The following MDGA2 variants were observed in gnomAD, a reference collection of about 807,000 sequenced individuals.
MDGA2 encodes MAM domain-containing glycosylphosphatidylinositol anchor protein 2.
A neutral mutation model predicts 117.8 loss-of-function variants in MDGA2; 40 were observed. The observed-to-expected ratio is 0.34, with a 90% CI of 0.26 to 0.44. MDGA2 has a LOEUF of 0.44. Among genes scored for constraint, MDGA2 ranks in the 20% least tolerant of loss-of-function variants. The pLI is 1.00. For missense variants in MDGA2, 1,123 were observed against 1,250.6 expected, an observed-to-expected ratio of 0.90 and a Z score of 1.54; for synonymous variants, 452 against 439.0, an observed-to-expected ratio of 1.03 and a Z score of -0.37.
intron 1 of MDGA2, among the ~76,000 whole-genome samples, chr14:47,501,160 G>A (rs1418765158): frequency 1.3e-5 from 2 of 152,064 alleles, no homozygotes; most frequent in Non-Finnish European, 2.9e-5. Context: ...ATTACTACCA[G>A]TTTACGGGTA....
chr14:47,313,299 G>A (rs985007969), intron 1 of MDGA2, among the ~76,000 whole-genome samples: 1 of 151,962 alleles, frequency 6.6e-6, no homozygotes, highest in Non-Finnish European at 1.5e-5. Flanking sequence ...ATAAGGTAAG[G>A]TCTGGCTCTG....
At chr14:46,994,973 C>A (rs977391730) in intron 8 of MDGA2, among the ~76,000 whole-genome samples, 1 of 152,010 alleles carries the variant, frequency 6.6e-6, no homozygotes, top group Non-Finnish European at 1.5e-5. Context: ...TGTGGATACA[C>A]CCATATTGGT....
At chr14:47,155,410 G>A (rs536297124) in intron 3 of MDGA2, among the ~76,000 whole-genome samples, 1 of 152,054 alleles carries the variant, frequency 6.6e-6, no homozygotes, top group Non-Finnish European at 1.5e-5. Flanking sequence ...GGGAAACCCA[G>A]ACCTAGCAGC....
intron 1 of MDGA2, among the ~76,000 whole-genome samples, chr14:47,362,940 T>G (rs1435883553): frequency 1.3e-5 from 2 of 152,190 alleles, no homozygotes; most frequent in Non-Finnish European, 2.9e-5. Context: ...TGTTTTGAAT[T>G]GAATATATGC....
chr14:47,325,028 T>C (rs1255287403), intron 1 of MDGA2, among the ~76,000 whole-genome samples: 1 of 152,038 alleles, frequency 6.6e-6, no homozygotes, highest in Non-Finnish European at 1.5e-5. Flanking sequence ...CAGGACATGA[T>C]TATTGTGTTG....
Position 47,551,811 on chromosome 14 carries a change from T to TA in MDGA2, c.280+122705dup, listed in dbSNP as rs1167777903. On this transcript the variant is annotated intron_variant, in intron 1 of 16. Coordinates refer to ENST00000399232, the MANE Select transcript of MDGA2 (RefSeq NM_001113498.3). ...AGAATTTTTTTTTTCATGTAATACT[T>TA]ACGAGGTACAAATCAATTCCCATTT... 2.0e-5 allele frequency among the ~76,000 whole-genome samples: 3 copies of TA among 152,288 alleles called. No individual in the cohort carries two copies. In the East Asian group the frequency reaches 5.8e-4, roughly 29 times the overall value.
At chr14:47,087,460 C>CAAAAAAA (rs749371957) in intron 6 of MDGA2, among the ~76,000 whole-genome samples, 98 of 67,932 alleles carry the variant, frequency 1.4e-3, no homozygotes, top group African/African-American at 2.7e-3. Context: ...GACTCCACAT[C>CAAAAAAA]AAAAAAAAAA....
chr14:46,841,948 A>C lies in MDGA2; in HGVS notation c.3061T>G (p.Leu1021Val), dbSNP rs1566486464. 1 of 1,611,880 alleles carries C rather than the reference A, an allele frequency of 6.2e-7. No individual in the cohort carries two copies. Among genetic ancestry groups the C allele is most frequent in the Non-Finnish European group, 8.5e-7 (1 of 1,178,384 alleles). The change falls in exon 17 of 17, where the codon TTA (leucine) becomes GTA (valine). Residue 1021 changes from leucine to valine, a missense_variant. By Grantham distance (32) the Leu-to-Val change is conservative. Coordinates refer to ENST00000399232, the MANE Select transcript of MDGA2 (RefSeq NM_001113498.3). Reference protein sequence around the residue: ...LFPIIVLISILSPRR With the variant: ...LFPIIVLISIVSPRR ...GGATAAGGTCACCTTCGAGGACTTA[A>C]GATAGAGATGAGGACGATAATGGGA... is the stretch of plus-strand genomic sequence containing the variant.
At chr14:46,956,164 G>A (rs2138626716) in intron 9 of MDGA2, among the ~76,000 whole-genome samples, 1 of 152,200 alleles carries the variant, frequency 6.6e-6, no homozygotes, top group South Asian at 2.1e-4. Context: ...CTATTAATAA[G>A]TTTTAAGTCT....
intron 1 of MDGA2, among the ~76,000 whole-genome samples, chr14:47,310,107 T>G (rs4900737): frequency 0.15 from 23,178 of 152,206 alleles, 1,931 homozygotes; most frequent in Middle Eastern, 0.22. Context: ...AAATGTTATT[T>G]CATGAAGATT....
intron 2 of MDGA2, among the ~76,000 whole-genome samples, chr14:47,222,108 C>T (rs562036200): frequency 3.3e-5 from 5 of 152,082 alleles, no homozygotes; most frequent in African/African-American, 9.6e-5. Flanking sequence ...TTGAATTTAT[C>T]CACTAAAAGA....
chr14:47,190,517 G>A (rs1885069211), intron 3 of MDGA2, among the ~76,000 whole-genome samples: 1 of 152,090 alleles, frequency 6.6e-6, no homozygotes, highest in Non-Finnish European at 1.5e-5. Flanking sequence ...TTGAATGTAA[G>A]GTCAAAGTTC....
At chr14:47,192,651 TAAAC>T (rs1172466608) in intron 3 of MDGA2, among the ~76,000 whole-genome samples, 3 of 151,940 alleles carry the variant, frequency 2.0e-5, no homozygotes, top group Non-Finnish European at 2.9e-5. Flanking sequence ...AATAAATAAA[TAAAC>T]AAGATATGGA....
chr14:47,118,731 A>AAAC (rs921076570), intron 5 of MDGA2, among the ~76,000 whole-genome samples: 2 of 152,226 alleles, frequency 1.3e-5, no homozygotes, highest in Admixed American at 6.5e-5. Flanking sequence ...TTTTTTATAA[A>AAAC]AACAACAACA....
intron 1 of MDGA2, among the ~76,000 whole-genome samples, chr14:47,603,306 G>C (rs1300580950): frequency 3.3e-5 from 5 of 152,056 alleles, no homozygotes; most frequent in Non-Finnish European, 7.4e-5. Context: ...GATTTCATTT[G>C]AATGCTTTAT....
chr14:47,332,666 A>T (rs2416049), intron 1 of MDGA2, among the ~76,000 whole-genome samples: 89,683 of 151,734 alleles, frequency 0.59, 27,394 homozygotes, highest in Middle Eastern at 0.72. Flanking sequence ...ACAATTTTTT[A>T]AATTTGTAAA....
At chr14:47,671,508 A>G (rs1898073812) in intron 1 of MDGA2, among the ~76,000 whole-genome samples, 1 of 152,204 alleles carries the variant, frequency 6.6e-6, no homozygotes, top group Non-Finnish European at 1.5e-5. Flanking sequence ...CATGTAAACA[A>G]TTTTAGGCTA....
intron 8 of MDGA2, among the ~76,000 whole-genome samples, chr14:46,968,664 T>A (rs546712058): frequency 5.4e-4 from 80 of 149,300 alleles, no homozygotes; most frequent in African/African-American, 1.9e-3. Flanking sequence ...AAACCCCATC[T>A]CTACTAAAAA....
At chr14:46,874,510 T>A (rs2138367934) in intron 12 of MDGA2, among the ~76,000 whole-genome samples, 1 of 151,972 alleles carries the variant, frequency 6.6e-6, no homozygotes, top group Non-Finnish European at 1.5e-5. Context: ...GCTGAAGAAT[T>A]TTCCCAACTT....
Sources: gnomAD v4.1 joint callset for allele counts (sites outside exome capture counted in the v4.1 genomes callset) on GRCh38, gnomAD v4.1.1 for gene constraint, MANE v1.5 for transcripts, NCBI Gene and HGNC (gene_info 2026-07-23, HGNC 2026-07-21) for gene names.